Variants in RBPJ observed in about 807,000 individuals in gnomAD.
The protein encoded by RBPJ is recombining binding protein suppressor of hairless.
RBPJ carries 9 observed loss-of-function variants against 67.8 expected under a neutral mutation model. That is an observed-to-expected ratio of 0.13 (90% CI 0.08 to 0.23). RBPJ has a LOEUF of 0.23. Among genes scored for constraint, RBPJ ranks in the 10% least tolerant of loss-of-function variants. The pLI is 1.00. For missense variants in RBPJ, 305 were observed against 595.6 expected (o/e 0.51, Z 5.08); for synonymous variants, 198 against 203.3 (o/e 0.97, Z 0.22).
At chr4:26,166,026 G>A (rs907542287) in intron 1 of RBPJ, among the ~76,000 whole-genome samples, 3 of 150,822 alleles carry the variant, frequency 2.0e-5, no homozygotes, top group Non-Finnish European at 4.4e-5. Context: ...TTTCATCCAT[G>A]TCCCTACAAA....
rs146297319 is a variant in RBPJ at position 26,199,637 on chromosome 4, G to A, written c.-167+36023G>A. On this transcript the variant is annotated intron_variant, in intron 1 of 4. Transcript: ENST00000512351. The stretch of plus-strand genomic sequence containing the variant: ...GAGCTTTACCGTTCAGATCTGAAGC[G>A]GAAATTTTAAGTTTCTTTATCACAG... Among the ~76,000 whole-genome samples, 124 of 152,226 alleles carry A rather than the reference G, an allele frequency of 8.1e-4. 1 individual carries two copies. Among genetic ancestry groups the A allele is most frequent in the African/African-American group, 2.8e-3 (115 of 41,538 alleles).
chr4:26,134,840 G>A, the RBPJ span, among the ~76,000 whole-genome samples: 1 of 152,168 alleles, frequency 6.6e-6, no homozygotes, highest in Admixed American at 6.5e-5. Flanking sequence ...TGAACTGAAA[G>A]AGCTGGTCAC....
At chr4:26,187,823 A>T (rs1717328182) in intron 1 of RBPJ, among the ~76,000 whole-genome samples, 2 of 152,070 alleles carry the variant, frequency 1.3e-5, no homozygotes. Flanking sequence ...GGAGTTCAAG[A>T]CCAGCCTGGC....
upstream of RBPJ, among the ~76,000 whole-genome samples, chr4:26,317,209 G>T (rs1324250872): frequency 1.3e-5 from 2 of 151,746 alleles, no homozygotes; most frequent in Admixed American, 1.3e-4. Flanking sequence ...CAGAAAGGGG[G>T]ATAAGGAGTA....
intron 1 of RBPJ, among the ~76,000 whole-genome samples, chr4:26,255,298 G>C (rs1209552631): frequency 6.8e-4 from 91 of 133,690 alleles, no homozygotes; most frequent in Non-Finnish European, 1.2e-3. Flanking sequence ...CAGCTACTCG[G>C]GAGGCTGAGG....
At position 26,430,584 on chromosome 4, in the gene RBPJ, T is replaced by C. The variant is rs1266557231; in HGVS notation, c.1148+62T>C. On this transcript the variant is annotated intron_variant, in intron 10 of 10. Transcript: ENST00000355476. This position sits in a 1 kb window ranked among gnomAD's most constrained non-coding sequence, Gnocchi z 4.1. ...TGAGGGGTGTGGGTACAGGAGATTC[T>C]TTCCTGGCACTGATTGTAATGTATT... 4 of 1,526,912 alleles carry C rather than the reference T, an allele frequency of 2.6e-6. No individual in the cohort carries two copies. Among genetic ancestry groups the C allele is most frequent in the Non-Finnish European group, 2.7e-6 (3 of 1,119,346 alleles). 94.6% of individuals were successfully genotyped at this position (1,526,912 alleles called of 1,614,324 possible).
At chr4:26,115,139 A>G in the RBPJ span, among the ~76,000 whole-genome samples, 10,029 of 152,178 alleles carry the variant, frequency 0.066, 1,081 homozygotes, top group African/African-American at 0.23. Context: ...CAAGGTTTTC[A>G]TTTTCTTCAC....
intron 1 of RBPJ, among the ~76,000 whole-genome samples, chr4:26,165,163 T>A (rs953553163): frequency 6.6e-6 from 1 of 152,202 alleles, no homozygotes; most frequent in Non-Finnish European, 1.5e-5. Flanking sequence ...ATTAGATTAC[T>A]TTATGTCATT....
chr4:26,426,374 C>T (rs1444705796), intron 7 of RBPJ, among the ~76,000 whole-genome samples: 1 of 152,148 alleles, frequency 6.6e-6, no homozygotes, highest in Non-Finnish European at 1.5e-5. Flanking sequence ...CAGTAGCCTG[C>T]CTTGCTTGAA....
At chr4:26,352,722 C>CTCAAACAAAA (rs1384735595) in intron 1 of RBPJ, among the ~76,000 whole-genome samples, 4 of 152,174 alleles carry the variant, frequency 2.6e-5, no homozygotes, top group African/African-American at 4.8e-5. Context: ...CAACAAAAAC[C>CTCAAACAAAA]TCAAACAAAA....
chr4:26,287,793 G>A (rs542403567), intron 1 of RBPJ, among the ~76,000 whole-genome samples: 96 of 151,132 alleles, frequency 6.4e-4, no homozygotes, highest in African/African-American at 2.3e-3. Context: ...CAAGATGGAA[G>A]GAAGGAAGGG....
the RBPJ span, among the ~76,000 whole-genome samples, chr4:26,120,811 CAAGAGTACTGT>C: frequency 1.4e-5 from 2 of 144,190 alleles, no homozygotes; most frequent in Non-Finnish European, 1.5e-5. Context: ...TGAAGCCTGG[CAAGAGTACTGT>C]AGTTTAGAAG....
chr4:26,326,094 G>A (rs1723602194), intron 1 of RBPJ, among the ~76,000 whole-genome samples: 1 of 152,074 alleles, frequency 6.6e-6, no homozygotes, highest in Non-Finnish European at 1.5e-5. Flanking sequence ...TCAGTGCTTT[G>A]AAATCTTGGT....
At chr4:26,253,705 A>G (rs556131005) in intron 1 of RBPJ, among the ~76,000 whole-genome samples, 3 of 148,978 alleles carry the variant, frequency 2.0e-5, no homozygotes, top group South Asian at 2.1e-4. Context: ...TGAAATGTCA[A>G]TATCTATGTG....
chr4:26,107,508 A>G, the RBPJ span, among the ~76,000 whole-genome samples: 1 of 152,210 alleles, frequency 6.6e-6, no homozygotes, highest in Non-Finnish European at 1.5e-5. Context: ...AGGGTTGGGA[A>G]ACAGCGGATA....
intron 1 of RBPJ, among the ~76,000 whole-genome samples, chr4:26,296,878 T>C (rs1483608666): frequency 1.3e-5 from 2 of 152,238 alleles, no homozygotes; most frequent in Non-Finnish European, 2.9e-5. Flanking sequence ...TTGGCATACA[T>C]AGAAGCCCAA....
chr4:26,267,117 C>G (rs564173255), intron 1 of RBPJ, among the ~76,000 whole-genome samples: 1 of 152,286 alleles, frequency 6.6e-6, no homozygotes, highest in Non-Finnish European at 1.5e-5. Context: ...CCAGTATTGA[C>G]TTCGCCTCTT....
chr4:26,186,940 G>T (rs1288443780), intron 1 of RBPJ, among the ~76,000 whole-genome samples: 1 of 152,062 alleles, frequency 6.6e-6, no homozygotes, highest in Non-Finnish European at 1.5e-5. Flanking sequence ...CACAAACAAG[G>T]CCTGGCGCAG....
chr4:26,340,134 G>A (rs939170634), intron 1 of RBPJ, among the ~76,000 whole-genome samples: 3 of 152,140 alleles, frequency 2.0e-5, no homozygotes, highest in Non-Finnish European at 4.4e-5. Context: ...TTAACATTAT[G>A]TTAGAAGGTG....
Sources: allele counts gnomAD v4.1 joint callset (sites outside exome capture counted in the v4.1 genomes callset), GRCh38; gene constraint gnomAD v4.1.1; non-coding constraint Gnocchi (gnomAD v3.1); transcripts MANE v1.5; gene names NCBI Gene and HGNC (gene_info 2026-07-23, HGNC 2026-07-21).